Variants in MUSK observed in about 807,000 individuals in gnomAD.
MUSK encodes muscle, skeletal receptor tyrosine-protein kinase.
A neutral mutation model predicts 88.7 loss-of-function variants in MUSK; 55 were observed. The ratio of observed to expected loss-of-function variants is 0.62; its 90% CI spans 0.50 to 0.78. The LOEUF (loss-of-function observed/expected upper bound fraction) is 0.78, where lower values mean the gene tolerates loss of function less well. MUSK is among the 30% of genes least tolerant of loss of function. The pLI, the probability that MUSK is intolerant of heterozygous loss-of-function variation, is 0.00. For missense variants in MUSK, 1,015 were observed against 1,074.3 expected (o/e 0.94, Z 0.77); for synonymous variants, 387 against 391.9 (o/e 0.99, Z 0.15).
intron 14 of MUSK, among the ~76,000 whole-genome samples, chr9:110,790,320 A>G (rs546400671): frequency 2.0e-3 from 299 of 152,326 alleles, no homozygotes; most frequent in Non-Finnish European, 3.0e-3. Flanking sequence ...AATCTGGAGA[A>G]AAAGTATAAA....
chr9:110,767,606 T>C (rs1423398971), intron 8 of MUSK, among the ~76,000 whole-genome samples: 1 of 152,164 alleles, frequency 6.6e-6, no homozygotes, highest in Non-Finnish European at 1.5e-5. Context: ...ATCGTCACAT[T>C]TGGCCTTCTC....
chr9:110,749,983 G>T (rs996298598), intron 7 of MUSK, among the ~76,000 whole-genome samples: 22 of 152,000 alleles, frequency 1.4e-4, no homozygotes, highest in Admixed American at 1.4e-3. Context: ...TTTGACATTT[G>T]ATCAAGACCT....
chr9:110,776,511 T>C, intron 10 of MUSK, 121 bp from the exon 11 acceptor site: 3 of 791,906 alleles, frequency 3.8e-6, no homozygotes, highest in Non-Finnish European at 6.3e-6. Flanking sequence ...CAAAGAATGT[T>C]TTCCAGTTGT....
chr9:110,697,519 A>C, intron 5 of MUSK, 53 bp downstream of exon 5: 1 of 1,564,174 alleles, frequency 6.4e-7, no homozygotes, highest in Admixed American at 1.8e-5. Flanking sequence ...CTCACTGTCT[A>C]CTGTGAAGGC....
chr9:110,733,595 A>G (rs1022091557), intron 5 of MUSK, among the ~76,000 whole-genome samples: 2 of 151,230 alleles, frequency 1.3e-5, no homozygotes, highest in Admixed American at 1.3e-4. Flanking sequence ...TGCCCAATAT[A>G]TCATCTGAAA....
intron 9 of MUSK, among the ~76,000 whole-genome samples, chr9:110,769,630 T>C (rs761447283): frequency 3.3e-5 from 5 of 152,222 alleles, no homozygotes; most frequent in Non-Finnish European, 7.4e-5. Flanking sequence ...TTTAGATTTC[T>C]CTTTCTTGGG....
At chr9:110,743,818 T>A (rs891497592) in intron 6 of MUSK, among the ~76,000 whole-genome samples, 12 of 152,162 alleles carry the variant, frequency 7.9e-5, no homozygotes, top group Non-Finnish European at 1.2e-4. Context: ...CAGCAGCCAG[T>A]TTGAAAGAGG....
chr9:110,739,264 A>G (rs2077067548), intron 6 of MUSK, among the ~76,000 whole-genome samples: 1 of 152,162 alleles, frequency 6.6e-6, no homozygotes, highest in Non-Finnish European at 1.5e-5. Context: ...TATAGATTAA[A>G]ATCATCAAAG....
chr9:110,770,173 G>T (rs938157627), intron 9 of MUSK, among the ~76,000 whole-genome samples: 1 of 150,206 alleles, frequency 6.7e-6, no homozygotes, highest in Non-Finnish European at 1.5e-5. Context: ...GAATTTCGCA[G>T]GTTTTCATCT....
intron 9 of MUSK, among the ~76,000 whole-genome samples, chr9:110,770,691 T>C (rs1206092058): frequency 6.6e-6 from 1 of 151,336 alleles, no homozygotes; most frequent in Non-Finnish European, 1.5e-5. Flanking sequence ...GGTATGCCAT[T>C]CTTTTTATGT....
intron 7 of MUSK, among the ~76,000 whole-genome samples, chr9:110,759,522 CAGAGT>C (rs1253347383): frequency 6.6e-6 from 1 of 152,120 alleles, no homozygotes; most frequent in African/African-American, 2.4e-5. Context: ...AAACTATCAA[CAGAGT>C]AAACAGGCAA....
rs150468823 is a variant in MUSK, at chr9:110,705,802, C to T, written c.628+8336C>T. Among the ~76,000 whole-genome samples the T allele has an allele frequency of 1.5e-3, 227 of 152,302 alleles. 3 individuals carry two copies. Among genetic ancestry groups the T allele is most frequent in the African/African-American group, 5.0e-3 (207 of 41,578 alleles). On this transcript the variant is annotated intron_variant, in intron 5 of 14. Coordinates refer to ENST00000374448, the MANE Select transcript of MUSK (RefSeq NM_005592.4). ...TTTCAGTCTCACAACTGTGGAGGCT[C>T]TTCTGGAAAGGTTAAGCCCTGTCTC... is the stretch of plus-strand genomic sequence containing the variant.
intron 13 of MUSK, 74 bp downstream of exon 13, chr9:110,785,792 GTA>G: frequency 3.9e-6 from 4 of 1,022,136 alleles, no homozygotes; most frequent in African/African-American, 1.7e-5. Context: ...TATTAGCTTG[GTA>G]TATATATAAT....
chr9:110,772,133 T>C (rs1265512502), intron 9 of MUSK, among the ~76,000 whole-genome samples: 1 of 150,362 alleles, frequency 6.7e-6, no homozygotes, highest in Non-Finnish European at 1.5e-5. Context: ...TAAATCTTAA[T>C]TAGATTCTAC....
In MUSK at chr9:110,755,965, C is replaced by CAT. The variant is rs370272693; in HGVS notation, c.914-6225_914-6224dup. On this transcript the variant is annotated intron_variant, in intron 7 of 14. Transcript: ENST00000374448. ...ATATATATATACACATATATATATA[C>CAT]ATATATATATATACATATATATATA... Among the ~76,000 whole-genome samples the CAT allele has an allele frequency of 2.8e-3, 230 of 81,556 alleles. 4 individuals are homozygous for CAT. The highest frequency in any genetic ancestry group is 0.016 in the Middle Eastern group (2 of 126). 53.5% of individuals were successfully genotyped at this position (81,556 alleles called of 152,430 possible).
chr9:110,675,559 T>C (rs113381029), intron 1 of MUSK, among the ~76,000 whole-genome samples: 17,554 of 129,174 alleles, frequency 0.14, 1,537 homozygotes, highest in East Asian at 0.21. Flanking sequence ...TCAATAGTCT[T>C]CCCTTTTTTT....
intron 14 of MUSK, 110 bp from the exon 15 acceptor site, chr9:110,800,196 A>T (rs2078069764): frequency 1.0e-6 from 1 of 994,768 alleles, no homozygotes; most frequent in South Asian, 1.6e-5. Flanking sequence ...GACAACAACA[A>T]CAAAAAACAG....
intron 14 of MUSK, among the ~76,000 whole-genome samples, chr9:110,798,817 A>G (rs994825167): frequency 1.1e-4 from 17 of 152,318 alleles, no homozygotes; most frequent in Admixed American, 9.8e-4. Context: ...ATTGTAAATT[A>G]TATCTATACA....
intron 1 of MUSK, among the ~76,000 whole-genome samples, chr9:110,670,645 G>T (rs1175164762): frequency 6.6e-6 from 1 of 151,992 alleles, no homozygotes; most frequent in African/African-American, 2.4e-5. Context: ...AGATAACAAA[G>T]CCAAACACCC....
Sources: allele counts gnomAD v4.1 joint callset (sites outside exome capture counted in the v4.1 genomes callset), GRCh38; gene constraint gnomAD v4.1.1; transcripts MANE v1.5; gene names NCBI Gene and HGNC (gene_info 2026-07-23, HGNC 2026-07-21).